TBC1D32: variants seen among roughly 807,000 people sequenced by gnomAD.
The protein encoded by TBC1D32 is TBC1 domain family member 32, also known as protein broad-minded.
A neutral mutation model predicts 170.3 loss-of-function variants in TBC1D32; 151 were observed. That is an observed-to-expected ratio of 0.89 (90% CI 0.78 to 1.01). The LOEUF is 1.01. Ranked by LOEUF, TBC1D32 falls within the 50% of genes least tolerant of loss-of-function variation. TBC1D32 has a pLI of 0.00. For missense variants in TBC1D32, 1,464 were observed against 1,457.1 expected, an observed-to-expected ratio of 1.00 and a Z score of -0.08; for synonymous variants, 498 against 488.0, an observed-to-expected ratio of 1.02 and a Z score of -0.27.
Position 121,283,842 on chromosome 6 carries a change from T to G in TBC1D32, c.1441A>C (p.Lys481Gln), listed in dbSNP as rs1475894036. The part of the protein sequence containing the change: ...QLIYYSPSCP[K>Q]MTSAAHSENY... ...CCTGAATGGGCAGCTGATGTCATCT[T>G]TGGACAACTTGGTGAGTAATAGATA... is the stretch of plus-strand genomic sequence containing the variant. Residue 481 changes from lysine (K) to glutamine (Q), a missense_variant, in exon 13 of 32, where the codon AAG becomes CAG. By Grantham distance (53) the Lys-to-Gln change is moderately conservative. This residue lies in a region of TBC1D32 where 1,363 missense variants were observed against 1,338.1 expected (regional missense o/e 1.02). Coordinates refer to ENST00000398212, the MANE Select transcript of TBC1D32 (RefSeq NM_152730.6). 1 of 1,610,312 alleles carries G rather than the reference T, an allele frequency of 6.2e-7. No individual in the cohort carries two copies. Among genetic ancestry groups the G allele is most frequent in the Non-Finnish European group, 8.5e-7 (1 of 1,177,788 alleles).
intron 21 of TBC1D32, among the ~76,000 whole-genome samples, chr6:121,211,155 G>A (rs909056135): frequency 2.0e-5 from 3 of 152,062 alleles, no homozygotes; most frequent in African/African-American, 4.8e-5. Flanking sequence ...TGGGCGGGGC[G>A]GAGGGAGGGG....
chr6:121,115,746 A>T (rs1301019960), intron 26 of TBC1D32: 2 of 152,288 alleles, frequency 1.3e-5, no homozygotes, highest in African/African-American at 2.4e-5. Flanking sequence ...TGTTGTAATC[A>T]TCTAACCAAA....
intron 30 of TBC1D32, 138 bp from the exon 31 acceptor site, chr6:121,091,179 G>A: frequency 4.1e-6 from 3 of 723,762 alleles, no homozygotes; most frequent in South Asian, 2.0e-5. Context: ...AGTCTTCATA[G>A]ATGCCTAAAA....
intron 20 of TBC1D32, among the ~76,000 whole-genome samples, chr6:121,225,895 G>A (rs995061477): frequency 2.0e-5 from 3 of 152,032 alleles, no homozygotes; most frequent in African/African-American, 7.2e-5. Context: ...ATAAGATGTT[G>A]CTAATATCAG....
intron 30 of TBC1D32, among the ~76,000 whole-genome samples, chr6:121,094,949 A>G (rs941958531): frequency 1.9e-4 from 29 of 152,110 alleles, no homozygotes; most frequent in Admixed American, 1.9e-3. Context: ...TAGACATGTA[A>G]TTCTGCCAGA....
intron 21 of TBC1D32, among the ~76,000 whole-genome samples, chr6:121,218,520 T>A (rs1171921972): frequency 1.3e-5 from 2 of 152,150 alleles, no homozygotes; most frequent in Non-Finnish European, 1.5e-5. Flanking sequence ...GTCAGTGGGC[T>A]GGGAAAGGCA....
chr6:121,082,526 T>C (rs1341651771), intron 31 of TBC1D32, among the ~76,000 whole-genome samples: 1 of 151,970 alleles, frequency 6.6e-6, no homozygotes, highest in Non-Finnish European at 1.5e-5. Flanking sequence ...AACCAGAGAC[T>C]AAAGATCCAA....
At chr6:121,306,532 C>T (rs1335456408) in intron 5 of TBC1D32, among the ~76,000 whole-genome samples, 2 of 152,054 alleles carry the variant, frequency 1.3e-5, no homozygotes, top group Non-Finnish European at 2.9e-5. Context: ...TCTGCTAATG[C>T]CTTAAATTCT....
intron 22 of TBC1D32, among the ~76,000 whole-genome samples, chr6:121,186,297 G>A (rs1217691622): frequency 6.6e-6 from 1 of 151,940 alleles, no homozygotes; most frequent in Non-Finnish European, 1.5e-5. Flanking sequence ...AATAAAGCCT[G>A]GTGCCCCAGG....
chr6:121,088,290 T>C (rs938419937), intron 31 of TBC1D32, among the ~76,000 whole-genome samples: 14 of 152,118 alleles, frequency 9.2e-5, no homozygotes, highest in Non-Finnish European at 1.5e-5. Flanking sequence ...TTTTTCCCTC[T>C]GTACAAATCT....
chr6:121,194,898 A>G (rs1790526168), intron 22 of TBC1D32, among the ~76,000 whole-genome samples: 1 of 152,212 alleles, frequency 6.6e-6, no homozygotes, highest in African/African-American at 2.4e-5. Flanking sequence ...TATTGCTGAG[A>G]CATATGTCTG....
intron 17 of TBC1D32, among the ~76,000 whole-genome samples, chr6:121,253,372 A>T: frequency 6.6e-6 from 1 of 152,176 alleles, no homozygotes. Context: ...ATCACTAATC[A>T]TCAGGGAAAT....
intron 26 of TBC1D32, among the ~76,000 whole-genome samples, chr6:121,116,717 G>C (rs1408993484): frequency 3.3e-5 from 5 of 152,142 alleles, no homozygotes; most frequent in Admixed American, 3.3e-4. Flanking sequence ...ATAAAGTTAT[G>C]CAGCAAGGTG....
chr6:121,099,325 G>C (rs1290628481), intron 30 of TBC1D32, among the ~76,000 whole-genome samples: 2 of 151,810 alleles, frequency 1.3e-5, no homozygotes, highest in Admixed American at 6.6e-5. Flanking sequence ...AAGTTAATTA[G>C]AATATGTGAT....
intron 15 of TBC1D32, among the ~76,000 whole-genome samples, 198 bp downstream of exon 15, chr6:121,278,923 T>C (rs1196435278): frequency 6.6e-6 from 1 of 152,072 alleles, no homozygotes; most frequent in Non-Finnish European, 1.5e-5. Context: ...GAGCAGATAA[T>C]GGGGGAGTAA....
chr6:121,234,745 A>G (rs1159195634), intron 20 of TBC1D32, among the ~76,000 whole-genome samples: 3 of 151,954 alleles, frequency 2.0e-5, no homozygotes, highest in African/African-American at 7.3e-5. Flanking sequence ...GTTTGGATCT[A>G]TTGCTGATGA....
chr6:121,307,177 CCAGCCTGGG>C (rs994707729), intron 5 of TBC1D32, among the ~76,000 whole-genome samples: 3 of 151,754 alleles, frequency 2.0e-5, no homozygotes, highest in Non-Finnish European at 2.9e-5. Flanking sequence ...GAGTTCAAGA[CCAGCCTGGG>C]CAATGTGGTG....
intron 14 of TBC1D32, among the ~76,000 whole-genome samples, chr6:121,280,105 A>G (rs1380750203): frequency 2.6e-5 from 4 of 151,910 alleles, no homozygotes; most frequent in African/African-American, 9.7e-5. Flanking sequence ...CATGAATAGC[A>G]CTATTCATAC....
At chr6:121,110,557 C>T (rs1157395492) in intron 29 of TBC1D32, among the ~76,000 whole-genome samples, 1 of 151,994 alleles carries the variant, frequency 6.6e-6, no homozygotes, top group Non-Finnish European at 1.5e-5. Flanking sequence ...AGAAGGTAGA[C>T]AAGTTTGTAC....
Sources: allele counts gnomAD v4.1 joint callset (sites outside exome capture counted in the v4.1 genomes callset), GRCh38; gene constraint gnomAD v4.1.1; regional missense constraint gnomAD v4.1.1; transcripts MANE v1.5; gene names NCBI Gene and HGNC (gene_info 2026-07-23, HGNC 2026-07-21).